Variants in KCNQ2 observed in about 807,000 individuals in gnomAD.
KCNQ2 encodes the protein potassium voltage-gated channel subfamily Q member 2.
Under a neutral mutation model 84.8 loss-of-function variants are expected in KCNQ2, and 14 were observed. The observed-to-expected ratio is 0.17, with a 90% CI of 0.11 to 0.26. The LOEUF is 0.26. Among genes scored for constraint, KCNQ2 ranks in the 10% least tolerant of loss-of-function variants. The pLI, the probability that KCNQ2 is intolerant of heterozygous loss-of-function variation, is 1.00. For missense variants in KCNQ2, 788 were observed against 1,254.0 expected (o/e 0.63, Z 5.61); for synonymous variants, 599 against 554.1 (o/e 1.08, Z -1.14).
At chr20:63,463,993 C>T (rs1460495586) in intron 1 of KCNQ2, 2 of 152,108 alleles carry the variant, frequency 1.3e-5, no homozygotes, top group Non-Finnish European at 2.9e-5. Flanking sequence ...CACTCCCCGC[C>T]GGACTTCCTG....
rs923832713 is a variant in KCNQ2 at position 63,400,986 on chromosome 20, G to C, written c.*5658C>G. The C allele has an allele frequency of 5.0e-6, 2 of 397,272 alleles. No homozygotes were observed. The highest frequency in any genetic ancestry group is 8.9e-6 in the Non-Finnish European group (2 of 225,616). The allele number at this position is 397,272 out of a possible 1,614,324, so 24.6% of individuals were successfully genotyped here. A position where few individuals can be genotyped will look rare whatever the true frequency, so the allele number is the denominator to read the frequency against. ...TTTGTAAAACCCAGGCGGAGTTGGC[G>C]TGTGGCGATGGCGATGTGCACGTGC... is the stretch of plus-strand genomic sequence containing the variant. On this transcript the variant is annotated 3_prime_UTR_variant, in exon 17 of 17. Coordinates refer to ENST00000359125, the MANE Select transcript of KCNQ2 (RefSeq NM_172107.4). This position sits in a 1 kb window ranked among gnomAD's most constrained non-coding sequence, Gnocchi z 8.7.
chr20:63,416,959 C>T (rs541431277), intron 12 of KCNQ2, among the ~76,000 whole-genome samples: 144 of 152,332 alleles, frequency 9.5e-4, no homozygotes, highest in African/African-American at 3.2e-3. Context: ...AAGAAAGAAG[C>T]CCCTGGGTGT....
In KCNQ2 at chr20:63,413,713, C is replaced by T. The variant is rs2080197645; in HGVS notation, c.1632-132G>A. 5 of 1,036,584 alleles carry T rather than the reference C, an allele frequency of 4.8e-6. No individual in the cohort carries two copies. In the Admixed American group the frequency reaches 9.2e-5, roughly 19 times the overall value. The allele number at this position is 1,036,584 out of a possible 1,614,324, so 64.2% of individuals were successfully genotyped here. ...ACTTGCCCCTCTTGTCTGCCGCCCACCAGCTCCACACACAGAAGGGCCTTT... is the reference window on the plus strand; with the variant it reads ...ACTTGCCCCTCTTGTCTGCCGCCCATCAGCTCCACACACAGAAGGGCCTTT... On this transcript the variant is annotated intron_variant, in intron 14 of 16. Coordinates refer to ENST00000359125, the MANE Select transcript of KCNQ2 (RefSeq NM_172107.4).
chr20:63,412,788 A>T (rs936126686), intron 15 of KCNQ2, among the ~76,000 whole-genome samples: 1 of 152,208 alleles, frequency 6.6e-6, no homozygotes, highest in Non-Finnish European at 1.5e-5. Context: ...AGGCAGGAGC[A>T]TGTCCCCTAC....
chr20:63,422,683 A>G, intron 11 of KCNQ2: 1 of 152,514 alleles, frequency 6.6e-6, no homozygotes. Flanking sequence ...GAGGGGCCCG[A>G]GAAGGGCAGT....
chr20:63,426,002 A>C (rs1422333187), intron 10 of KCNQ2, among the ~76,000 whole-genome samples: 2 of 152,092 alleles, frequency 1.3e-5, no homozygotes, highest in Non-Finnish European at 2.9e-5. Context: ...AGCTCTGGGG[A>C]CGCTCCTCGG....
chr20:63,431,072 T>TG (rs1021848477), intron 9 of KCNQ2, among the ~76,000 whole-genome samples: 10 of 151,516 alleles, frequency 6.6e-5, no homozygotes, highest in African/African-American at 2.4e-4. Flanking sequence ...AAGCAGCGGC[T>TG]GGGGGGAGGC....
At chr20:63,413,606 G>C (rs770711573) in intron 14 of KCNQ2, 25 bp from the exon 15 acceptor site, 3 of 1,610,122 alleles carry the variant, frequency 1.9e-6, no homozygotes, top group East Asian at 2.2e-5. Flanking sequence ...GTGGGGCTGT[G>C]AGCCCTGGGC....
chr20:63,419,680 T>C lies in KCNQ2; in HGVS notation c.1248-8A>G. 6.2e-7 allele frequency: 1 copy of C among 1,609,274 alleles called. No homozygotes were observed. The highest frequency in any genetic ancestry group is 8.5e-7 in the Non-Finnish European group (1 of 1,178,708). On this transcript the variant is annotated splice_polypyrimidine_tract_variant and splice_region_variant and intron_variant, in intron 11 of 16. Coordinates refer to ENST00000359125, the MANE Select transcript of KCNQ2 (RefSeq NM_172107.4). ...CTGCACGGGCTGCCTTTACTGGAAATGAGGAGAGCACAGTTAGTCCTGGGC... is the reference window on the plus strand; with the variant it reads ...CTGCACGGGCTGCCTTTACTGGAAACGAGGAGAGCACAGTTAGTCCTGGGC...
chr20:63,442,707 TCACCACCACCAC>T (rs749330439), intron 4 of KCNQ2, among the ~76,000 whole-genome samples, 176 bp from the exon 5 acceptor site: 3 of 35,372 alleles, frequency 8.5e-5, no homozygotes, highest in East Asian at 2.0e-3. Flanking sequence ...ACCATCACCA[TCACCACCACCAC>T]CACCATCATC....
chr20:63,449,797 CAGA>C (rs1451076266), intron 1 of KCNQ2, among the ~76,000 whole-genome samples: 5 of 152,156 alleles, frequency 3.3e-5, no homozygotes, highest in African/African-American at 1.2e-4. Flanking sequence ...GCCGCGGAGG[CAGA>C]AGGACAGGGC....
intron 1 of KCNQ2, among the ~76,000 whole-genome samples, chr20:63,450,016 C>T (rs1319679944): frequency 6.6e-6 from 1 of 152,070 alleles, no homozygotes; most frequent in Admixed American, 6.6e-5. Context: ...CCTGCGCTGC[C>T]TGCGCCCCTG....
In KCNQ2 at chr20:63,406,353, T is replaced by C; in HGVS notation, c.*291A>G. 1 of 410,704 alleles carries C rather than the reference T, an allele frequency of 2.4e-6. No homozygotes were observed. The highest frequency in any genetic ancestry group is 4.4e-6 in the Non-Finnish European group (1 of 225,270). The allele number at this position is 410,704 out of a possible 1,614,324, so 25.4% of individuals were successfully genotyped here. ...ACTCCCGCCCCTCCTCACACCGGGC[T>C]GATGTCGGCCGCGGCCCTGAGCAGA... On this transcript the variant is annotated 3_prime_UTR_variant, in exon 17 of 17. Coordinates refer to ENST00000359125, the MANE Select transcript of KCNQ2 (RefSeq NM_172107.4).
In KCNQ2 at chr20:63,402,152, G is replaced by T. The variant is rs1378195933; in HGVS notation, c.*4492C>A. 6.7e-6 allele frequency: 1 copy of T among 148,380 alleles called. No homozygotes were observed. The highest frequency in any genetic ancestry group is 1.4e-5 in the Non-Finnish European group (1 of 71,626). The allele number at this position is 148,380 out of a possible 1,614,324, so 9.2% of individuals were successfully genotyped here. On this transcript the variant is annotated 3_prime_UTR_variant, in exon 17 of 17. Coordinates refer to ENST00000359125, the MANE Select transcript of KCNQ2 (RefSeq NM_172107.4). ...GCACCCTCCACCAGGTCCAAGTCTC[G>T]TGAGCCGTTCCTCTCACACCACGTC... is the stretch of plus-strand genomic sequence containing the variant.
Position 63,438,755 on chromosome 20 carries a change from A to AC in KCNQ2, c.928-36dup, listed in dbSNP as rs565018387. 67 of 1,523,082 alleles carry AC rather than the reference A, an allele frequency of 4.4e-5. No homozygotes were observed. Among genetic ancestry groups the AC allele is most frequent in the Non-Finnish European group, 5.6e-5 (63 of 1,118,596 alleles). The allele number at this position is 1,523,082 out of a possible 1,614,324, so 94.3% of individuals were successfully genotyped here. ...ATCAGGGTCAGGTCACACCCCAGGG[A>AC]CCCCCCACACCCCAATTCATCAGGG... On this transcript the variant is annotated intron_variant, in intron 6 of 16. Transcript: ENST00000359125. The surrounding 1 kb of genome is among the most constrained non-coding windows in gnomAD (Gnocchi z 5.1).
chr20:63,447,635 C>T (rs1220059894), intron 1 of KCNQ2, among the ~76,000 whole-genome samples: 1 of 151,290 alleles, frequency 6.6e-6, no homozygotes, highest in African/African-American at 2.4e-5. Flanking sequence ...TCACTTGTCG[C>T]GCAGGCTGGA....
Position 63,468,196 on chromosome 20 carries a change from G to C in KCNQ2, c.296+3972C>G, listed in dbSNP as rs994707762. Among the ~76,000 whole-genome samples, 47 of 152,204 alleles carry C rather than the reference G, an allele frequency of 3.1e-4. 2 individuals are homozygous for C. The highest frequency in any genetic ancestry group is 4.8e-5 in the African/African-American group (2 of 41,452). The stretch of plus-strand genomic sequence containing the variant: ...TCCCCAGAAACCACAACTCTCCGAG[G>C]CTTCTTCACCTTTTGGGAAATTTCC... On this transcript the variant is annotated intron_variant, in intron 1 of 16. Transcript: ENST00000359125.
intron 1 of KCNQ2, among the ~76,000 whole-genome samples, chr20:63,464,537 A>C (rs1383652330): frequency 6.6e-6 from 1 of 151,814 alleles, no homozygotes; most frequent in Non-Finnish European, 1.5e-5. Flanking sequence ...CAGGGCTATG[A>C]GCCCCTTTCA....
chr20:63,409,207 GTGTGTGTGCACTCGATGTGCA>G (rs2080037781), intron 15 of KCNQ2, among the ~76,000 whole-genome samples: 1 of 152,254 alleles, frequency 6.6e-6, no homozygotes, highest in Non-Finnish European at 1.5e-5. Flanking sequence ...GTGTGTGCAC[GTGTGTGTGCACTCGATGTGCA>G]TGTGTGTGCC....
Sources: allele counts gnomAD v4.1 joint callset (sites outside exome capture counted in the v4.1 genomes callset), GRCh38; gene constraint gnomAD v4.1.1; non-coding constraint Gnocchi (gnomAD v3.1); transcripts MANE v1.5; gene names NCBI Gene and HGNC (gene_info 2026-07-23, HGNC 2026-07-21).